LYPLAL1: variants seen among roughly 807,000 people sequenced by gnomAD.
LYPLAL1 encodes lysophospholipase-like protein 1.
In LYPLAL1, 23 loss-of-function variants were observed where a neutral mutation model predicts 19.7. The ratio of observed to expected loss-of-function variants is 1.17; its 90% confidence interval spans 0.84 to 1.65. The LOEUF is 1.65. Ranked by LOEUF, LYPLAL1 falls within the 40% of genes most tolerant of loss-of-function variation. The probability of loss-of-function intolerance (pLI) is 0.00; values close to 1 mark genes in which losing one functional copy is unlikely to be tolerated. For missense variants in LYPLAL1, 355 were observed against 279.4 expected (o/e 1.27, Z -1.93); for synonymous variants, 119 against 96.3 (o/e 1.24, Z -1.38).
chr1:219,180,641 A>G (rs1656200530), intron 2 of LYPLAL1, among the ~76,000 whole-genome samples: 1 of 152,260 alleles, frequency 6.6e-6, no homozygotes, highest in African/African-American at 2.4e-5. Context: ...AGTTGGAAGG[A>G]AGAAACATAG....
chr1:219,216,839 CG>C (rs1278773882), downstream of LYPLAL1, among the ~76,000 whole-genome samples: 2 of 141,586 alleles, frequency 1.4e-5, no homozygotes, highest in African/African-American at 5.0e-5. Flanking sequence ...GACAGTAAGC[CG>C]GGGCAGTCCT....
chr1:219,220,887 AC>A, the LYPLAL1 span, among the ~76,000 whole-genome samples: 9 of 152,192 alleles, frequency 5.9e-5, no homozygotes, highest in African/African-American at 2.2e-4. Context: ...GAGTAAACTT[AC>A]GAGACTGGAA....
At chr1:219,257,047 A>G in the LYPLAL1 span, among the ~76,000 whole-genome samples, 2 of 151,990 alleles carry the variant, frequency 1.3e-5, no homozygotes, top group Admixed American at 6.6e-5. Flanking sequence ...TTATCCTACT[A>G]TGCCAATTGG....
At chr1:219,384,666 TATA>T in the LYPLAL1 span, among the ~76,000 whole-genome samples, 1 of 152,244 alleles carries the variant, frequency 6.6e-6, no homozygotes, top group African/African-American at 2.4e-5. Context: ...TCAAGTATAG[TATA>T]ATACCACATG....
At chr1:219,174,064 G>A in intron 1 of LYPLAL1, 83 bp downstream of exon 1, 1 of 1,576,166 alleles carries the variant, frequency 6.3e-7, no homozygotes, top group East Asian at 2.3e-5. Context: ...CCAAGTGGAG[G>A]TGTCGCCGGG....
At chr1:219,303,414 G>C in the LYPLAL1 span, among the ~76,000 whole-genome samples, 8 of 152,212 alleles carry the variant, frequency 5.3e-5, no homozygotes, top group Non-Finnish European at 8.8e-5. Context: ...TGACAGGAGA[G>C]CTAGTGACAG....
the LYPLAL1 span, among the ~76,000 whole-genome samples, chr1:219,368,370 G>A: frequency 6.6e-6 from 1 of 152,124 alleles, no homozygotes; most frequent in Admixed American, 6.6e-5. Flanking sequence ...AGGACTAAGG[G>A]TGATATTTCC....
the LYPLAL1 span, among the ~76,000 whole-genome samples, chr1:219,321,255 G>C: frequency 6.6e-6 from 1 of 152,296 alleles, no homozygotes; most frequent in East Asian, 1.9e-4. Context: ...AGAAGTGTCT[G>C]TTCATATCCT....
chr1:219,434,315 TTTAGG>T, the LYPLAL1 span, among the ~76,000 whole-genome samples: 1 of 152,236 alleles, frequency 6.6e-6, no homozygotes, highest in South Asian at 2.1e-4. Flanking sequence ...AATCCTCAGA[TTTAGG>T]TTGAAGATTT....
the LYPLAL1 span, among the ~76,000 whole-genome samples, chr1:219,394,036 T>A: frequency 6.6e-6 from 1 of 151,954 alleles, no homozygotes; most frequent in Non-Finnish European, 1.5e-5. Context: ...AATTGCTTAC[T>A]TCCTACATTT....
chr1:219,336,387 A>G, the LYPLAL1 span, among the ~76,000 whole-genome samples: 1 of 151,914 alleles, frequency 6.6e-6, no homozygotes, highest in East Asian at 1.9e-4. Flanking sequence ...TCACCAAGAT[A>G]ATGACACCTA....
In LYPLAL1 at chr1:219,212,142, G is replaced by T. The variant is rs1389621391; in HGVS notation, c.*414G>T. ...CCACGGAATAACATTAATACTCTAG[G>T]TTTATAAACCGGTTTCACATTATTT... On this transcript the variant is annotated 3_prime_UTR_variant, in exon 5 of 5. Transcript: ENST00000366928. The T allele has an allele frequency of 6.5e-6, 1 of 153,442 alleles. No homozygotes were observed. The highest frequency in any genetic ancestry group is 1.4e-5 in the Non-Finnish European group (1 of 69,018). The allele number at this position is 153,442 out of a possible 1,614,324, so 9.5% of individuals were successfully genotyped here. A position where few individuals can be genotyped will look rare whatever the true frequency, so the allele number is the denominator to read the frequency against.
At chr1:219,308,705 G>T in the LYPLAL1 span, among the ~76,000 whole-genome samples, 1 of 152,162 alleles carries the variant, frequency 6.6e-6, no homozygotes, top group Admixed American at 6.5e-5. Context: ...GTCAAGAATT[G>T]GGTTTTGGGA....
the LYPLAL1 span, among the ~76,000 whole-genome samples, chr1:219,228,571 C>T: frequency 1.3e-5 from 2 of 152,028 alleles, no homozygotes; most frequent in African/African-American, 4.8e-5. Context: ...CCTCAAGCTT[C>T]CCATATAGAA....
chr1:219,278,491 A>G, the LYPLAL1 span, among the ~76,000 whole-genome samples: 1 of 152,206 alleles, frequency 6.6e-6, no homozygotes, highest in Non-Finnish European at 1.5e-5. Flanking sequence ...AAAATATCCA[A>G]AAAGGATATG....
At chr1:219,417,177 G>A in the LYPLAL1 span, among the ~76,000 whole-genome samples, 1 of 152,112 alleles carries the variant, frequency 6.6e-6, no homozygotes, top group African/African-American at 2.4e-5. Context: ...CTCTTTGAGG[G>A]CAGTGAGTCT....
At chr1:219,281,872 A>T in the LYPLAL1 span, among the ~76,000 whole-genome samples, 35 of 152,270 alleles carry the variant, frequency 2.3e-4, no homozygotes, top group Admixed American at 1.5e-3. Flanking sequence ...TGGAAAGGGG[A>T]CGTCATCCCC....
chr1:219,237,760 C>A, the LYPLAL1 span, among the ~76,000 whole-genome samples: 2 of 152,030 alleles, frequency 1.3e-5, no homozygotes, highest in African/African-American at 4.8e-5. Context: ...ATCATAGCAC[C>A]TTATGCTTCC....
the LYPLAL1 span, among the ~76,000 whole-genome samples, chr1:219,368,927 A>AT: frequency 1.3e-5 from 2 of 152,158 alleles, no homozygotes; most frequent in African/African-American, 2.4e-5. Context: ...CTACACGAAT[A>AT]TTTTTTCCAA....
Sources: allele counts gnomAD v4.1 joint callset (sites outside exome capture counted in the v4.1 genomes callset), GRCh38; gene constraint gnomAD v4.1.1; transcripts MANE v1.5; gene names NCBI Gene and HGNC (gene_info 2026-07-23, HGNC 2026-07-21).